Variants in EXOC4 observed in about 807,000 individuals in gnomAD.
EXOC4 encodes exocyst complex component 4.
A neutral mutation model predicts 107.2 loss-of-function variants in EXOC4; 71 were observed. That is an observed-to-expected ratio of 0.66 (90% CI 0.55 to 0.81). EXOC4 has a LOEUF of 0.81. Among genes scored for constraint, EXOC4 ranks in the 30% least tolerant of loss-of-function variants. The pLI, the probability that EXOC4 is intolerant of heterozygous loss-of-function variation, is 0.00. For synonymous variants in EXOC4, 456 were observed against 441.2 expected, an observed-to-expected ratio of 1.03 and a Z score of -0.42; for missense variants, 1,108 against 1,189.6, an observed-to-expected ratio of 0.93 and a Z score of 1.01.
intron 6 of EXOC4, among the ~76,000 whole-genome samples, chr7:133,360,866 A>G (rs1341857585): frequency 1.3e-5 from 2 of 152,246 alleles, no homozygotes; most frequent in Non-Finnish European, 2.9e-5. Flanking sequence ...ACTAAATTTT[A>G]ATATTGAAAA....
rs990804660 is a variant in EXOC4 at position 133,348,590 on chromosome 7, A to G, written c.764-7740A>G. ...AGCATTTTGTCTCACCTAAATTCCT[A>G]TTACTTTTTGGTCCTACCTGAAGCT... On this transcript the variant is annotated intron_variant, in intron 5 of 17. Coordinates refer to ENST00000253861, the MANE Select transcript of EXOC4 (RefSeq NM_021807.4). 4.6e-5 allele frequency among the ~76,000 whole-genome samples: 7 copies of G among 152,170 alleles called. No homozygotes were observed. The South Asian group carries it at 1.5e-3, about 32-fold the overall frequency.
intron 14 of EXOC4, among the ~76,000 whole-genome samples, chr7:133,986,800 C>CT (rs1387838403): frequency 6.6e-6 from 1 of 152,100 alleles, no homozygotes; most frequent in Non-Finnish European, 1.5e-5. Flanking sequence ...ATTATGAAGA[C>CT]TGGGGGTAGA....
intron 7 of EXOC4, among the ~76,000 whole-genome samples, chr7:133,380,813 A>G (rs565014820): frequency 1.3e-5 from 2 of 152,320 alleles, no homozygotes; most frequent in South Asian, 4.1e-4. Flanking sequence ...GCTATTTGAC[A>G]GAGAAAGAAC....
intron 4 of EXOC4, among the ~76,000 whole-genome samples, chr7:133,311,947 A>C (rs1794881179): frequency 6.6e-6 from 1 of 152,214 alleles, no homozygotes; most frequent in Admixed American, 6.5e-5. Context: ...GCATGTTATG[A>C]TAGCAAAGAT....
At chr7:134,026,345 C>T (rs976177069) in intron 17 of EXOC4, among the ~76,000 whole-genome samples, 2 of 151,664 alleles carry the variant, frequency 1.3e-5, no homozygotes, top group Non-Finnish European at 2.9e-5. Flanking sequence ...CACGGAAGGA[C>T]TCTTGATGGG....
chr7:133,852,131 C>T (rs1027686519), intron 11 of EXOC4, among the ~76,000 whole-genome samples: 5 of 151,848 alleles, frequency 3.3e-5, no homozygotes, highest in East Asian at 1.9e-4. Context: ...CTGACTTTGT[C>T]GTTAGTAATA....
At chr7:133,343,965 A>G (rs1209680277) in intron 5 of EXOC4, among the ~76,000 whole-genome samples, 3 of 151,780 alleles carry the variant, frequency 2.0e-5, no homozygotes, top group Non-Finnish European at 4.4e-5. Flanking sequence ...GTGAGCAACC[A>G]CATTTGGCCA....
intron 10 of EXOC4, among the ~76,000 whole-genome samples, chr7:133,787,963 T>TTATATATATA (rs1163259405): frequency 1.0e-3 from 42 of 40,920 alleles, no homozygotes; most frequent in Non-Finnish European, 1.5e-3. Flanking sequence ...ATTTATATAT[T>TTATATATATA]TATATATATA....
chr7:133,703,619 A>G (rs1264757100), intron 10 of EXOC4, among the ~76,000 whole-genome samples: 1 of 152,194 alleles, frequency 6.6e-6, no homozygotes, highest in Non-Finnish European at 1.5e-5. Flanking sequence ...ATAGACTAGT[A>G]AGAAAATCAC....
At chr7:133,569,189 A>G (rs1437208813) in intron 9 of EXOC4, among the ~76,000 whole-genome samples, 1 of 152,156 alleles carries the variant, frequency 6.6e-6, no homozygotes, top group African/African-American at 2.4e-5. Context: ...ATTAAGCAAG[A>G]AAAGCCTCAG....
chr7:133,579,552 T>G (rs182064433), intron 9 of EXOC4, among the ~76,000 whole-genome samples: 1 of 152,332 alleles, frequency 6.6e-6, no homozygotes, highest in Admixed American at 6.5e-5. Context: ...CCATCCATAT[T>G]GTAGTTCAAC....
chr7:133,263,260 A>T (rs1336180551), intron 1 of EXOC4, among the ~76,000 whole-genome samples: 1 of 152,240 alleles, frequency 6.6e-6, no homozygotes, highest in East Asian at 1.9e-4. Context: ...GTGTGCCATA[A>T]ATATGTACAA....
intron 10 of EXOC4, among the ~76,000 whole-genome samples, chr7:133,653,819 C>G (rs1803221938): frequency 6.6e-6 from 1 of 152,156 alleles, no homozygotes; most frequent in Non-Finnish European, 1.5e-5. Flanking sequence ...GAATGGTGTA[C>G]TCTCTGTCCA....
chr7:133,944,873 T>A (rs1177237586), intron 14 of EXOC4, among the ~76,000 whole-genome samples: 4 of 152,174 alleles, frequency 2.6e-5, no homozygotes, highest in Admixed American at 2.6e-4. Flanking sequence ...AATAAATGTA[T>A]ACAACCATAT....
At chr7:133,927,099 A>C (rs902232119) in intron 13 of EXOC4, among the ~76,000 whole-genome samples, 1 of 151,770 alleles carries the variant, frequency 6.6e-6, no homozygotes, top group Non-Finnish European at 1.5e-5. Flanking sequence ...ATGAATGAGA[A>C]GGATCAGCCC....
intron 10 of EXOC4, among the ~76,000 whole-genome samples, chr7:133,676,113 G>T (rs1794051710): frequency 6.6e-6 from 1 of 151,946 alleles, no homozygotes; most frequent in African/African-American, 2.4e-5. Context: ...GAGAATTGCA[G>T]TCATTCATTC....
At chr7:133,361,284 T>C (rs1796130647) in intron 6 of EXOC4, among the ~76,000 whole-genome samples, 1 of 152,074 alleles carries the variant, frequency 6.6e-6, no homozygotes, top group Non-Finnish European at 1.5e-5. Context: ...TTGATTAAAT[T>C]TTTTCTTTTT....
the EXOC4 span, among the ~76,000 whole-genome samples, chr7:134,080,981 C>T: frequency 6.6e-6 from 1 of 152,076 alleles, no homozygotes; most frequent in African/African-American, 2.4e-5. Context: ...TGATTGCTCC[C>T]TCACCTCCTT....
chr7:133,745,116 T>C (rs187011553), intron 10 of EXOC4, among the ~76,000 whole-genome samples: 256 of 152,320 alleles, frequency 1.7e-3, no homozygotes, highest in Middle Eastern at 3.4e-3. Flanking sequence ...GGAAAGGTTC[T>C]TTCTACTGCT....
Sources: allele counts gnomAD v4.1 joint callset (sites outside exome capture counted in the v4.1 genomes callset), GRCh38; gene constraint gnomAD v4.1.1; transcripts MANE v1.5; gene names NCBI Gene and HGNC (gene_info 2026-07-23, HGNC 2026-07-21).